SPATA13: variants seen among roughly 807,000 people sequenced by gnomAD.
The protein encoded by SPATA13 is spermatogenesis associated 13.
A neutral mutation model predicts 104.0 loss-of-function variants in SPATA13; 50 were observed. That is an observed-to-expected ratio of 0.48 (90% confidence interval 0.38 to 0.61). SPATA13 has a LOEUF of 0.61. Ranked by LOEUF, SPATA13 falls within the 20% of genes least tolerant of loss-of-function variation. The pLI is 0.00. For synonymous variants in SPATA13, 606 were observed against 667.5 expected (o/e 0.91, Z 1.42); for missense variants, 1,524 against 1,690.6 (o/e 0.90, Z 1.73).
chr13:24,175,744 C>G (rs1212599121), intron 1 of SPATA13, among the ~76,000 whole-genome samples: 1 of 152,204 alleles, frequency 6.6e-6, no homozygotes, highest in Non-Finnish European at 1.5e-5. Flanking sequence ...CTGTTCCAGA[C>G]ATAGTGCTAG....
At chr13:24,168,017 A>ATTT (rs1388933242) in intron 1 of SPATA13, among the ~76,000 whole-genome samples, 1 of 152,118 alleles carries the variant, frequency 6.6e-6, no homozygotes, top group African/African-American at 2.4e-5. Flanking sequence ...AGCCTTCTCT[A>ATTT]TTTCTGCCTC....
intron 2 of SPATA13, among the ~76,000 whole-genome samples, chr13:24,241,055 G>A (rs1158009332): frequency 1.3e-5 from 2 of 152,088 alleles, no homozygotes; most frequent in Admixed American, 6.5e-5. Flanking sequence ...ACCCCATTCC[G>A]TAGTAATTAG....
At chr13:24,283,304 G>T (rs1377534613) in intron 4 of SPATA13, among the ~76,000 whole-genome samples, 1 of 152,196 alleles carries the variant, frequency 6.6e-6, no homozygotes, top group Non-Finnish European at 1.5e-5. Context: ...GTCATCTGTT[G>T]TATAGCTTTC....
At chr13:24,168,689 T>C (rs1486427605) in intron 1 of SPATA13, among the ~76,000 whole-genome samples, 3 of 152,208 alleles carry the variant, frequency 2.0e-5, no homozygotes, top group Admixed American at 6.5e-5. Flanking sequence ...GAATTGCCGT[T>C]GCTTAAATGT....
chr13:24,008,479 A>C (rs1876328573), intron 2 of SPATA13, among the ~76,000 whole-genome samples: 1 of 152,152 alleles, frequency 6.6e-6, no homozygotes, highest in Admixed American at 6.5e-5. Flanking sequence ...CGGTGCCCCC[A>C]GCCCCTCCAC....
Position 24,174,858 on chromosome 13 carries a change from C to T in SPATA13, c.-112+13926C>T, listed in dbSNP as rs149154484. ...CCTCCCAAAGTGCTGGGATTACAGG[C>T]GTGAGCCCCTGCACCCAGCCTAAAA... On this transcript the variant is annotated intron_variant, in intron 1 of 12. Coordinates refer to ENST00000382108, the MANE Select transcript of SPATA13 (RefSeq NM_001166271.3). Among the ~76,000 whole-genome samples, 767 of 152,312 alleles carry T rather than the reference C, an allele frequency of 5.0e-3. 7 individuals are homozygous for T. The highest frequency in any genetic ancestry group is 0.017 in the African/African-American group (694 of 41,570).
At chr13:24,072,079 G>C (rs1490920955) in intron 3 of SPATA13, among the ~76,000 whole-genome samples, 1 of 152,180 alleles carries the variant, frequency 6.6e-6, no homozygotes, top group East Asian at 1.9e-4. Context: ...GAATATTAAG[G>C]AAGAGTGAAT....
chr13:24,262,596 C>G (rs980271296), intron 4 of SPATA13, among the ~76,000 whole-genome samples: 5 of 152,164 alleles, frequency 3.3e-5, no homozygotes, highest in Non-Finnish European at 7.4e-5. Context: ...AATCCCAATC[C>G]TTGGGCAAGT....
At chr13:24,107,237 CAAAAAA>C (rs11421515) in intron 3 of SPATA13, among the ~76,000 whole-genome samples, 10 of 34,280 alleles carry the variant, frequency 2.9e-4, no homozygotes, top group Non-Finnish European at 2.8e-4. Context: ...GAACAAGAGG[CAAAAAA>C]AAAAAAAAAA....
At chr13:24,151,113 A>G (rs1054271823) in intron 3 of SPATA13, among the ~76,000 whole-genome samples, 1 of 152,230 alleles carries the variant, frequency 6.6e-6, no homozygotes, top group Non-Finnish European at 1.5e-5. Context: ...CACACAGATT[A>G]AGAGGCTTGC....
intron 4 of SPATA13, among the ~76,000 whole-genome samples, chr13:24,258,265 T>A (rs1377278444): frequency 6.7e-6 from 1 of 149,210 alleles, no homozygotes; most frequent in African/African-American, 2.5e-5. Flanking sequence ...GAACTCTGGA[T>A]TCTGCCTGTC....
At chr13:24,249,910 C>T in intron 3 of SPATA13, 68 bp downstream of exon 3, 1 of 1,515,198 alleles carries the variant, frequency 6.6e-7, no homozygotes, top group Non-Finnish European at 8.8e-7. Context: ...ATTCTGTCTG[C>T]ACACTAAACT....
At chr13:24,194,067 G>A (rs9511128) in intron 1 of SPATA13, among the ~76,000 whole-genome samples, 65,127 of 152,030 alleles carry the variant, frequency 0.43, 16,113 homozygotes, top group Non-Finnish European at 0.56. Context: ...TGGTTCAGTA[G>A]CCGAGTCTGT....
At chr13:24,010,614 G>T (rs999936163) in intron 2 of SPATA13, among the ~76,000 whole-genome samples, 21 of 151,968 alleles carry the variant, frequency 1.4e-4, no homozygotes, top group African/African-American at 4.8e-4. Flanking sequence ...CTCGTGCCTG[G>T]AAGCTCCTCC....
Position 24,088,342 on chromosome 13 carries a change from TTAGAACA to T in SPATA13, c.-112+70644_-112+70650del, listed in dbSNP as rs1389377214. 1.3e-5 allele frequency among the ~76,000 whole-genome samples: 2 copies of T among 152,168 alleles called. No individual in the cohort carries two copies. Among genetic ancestry groups the T allele is most frequent in the African/African-American group, 2.4e-5 (1 of 41,448 alleles). On this transcript the variant is annotated intron_variant, in intron 3 of 14. Coordinates refer to the SPATA13 transcript ENST00000424834. The surrounding 1 kb of genome is among the most constrained non-coding windows in gnomAD (Gnocchi z 4.3). Reference sequence around the variant, plus strand: ...GACTATTAAAGCATCTGAATTGGGATTAGAACATAAACCCAGCTGACTTCAAGTTCTG... The same window carrying T: ...GACTATTAAAGCATCTGAATTGGGATTAAACCCAGCTGACTTCAAGTTCTG...
chr13:24,165,870 G>C (rs949687320), intron 1 of SPATA13, among the ~76,000 whole-genome samples: 2 of 152,212 alleles, frequency 1.3e-5, no homozygotes, highest in African/African-American at 4.8e-5. Flanking sequence ...CACCATGGGT[G>C]ATGTAGAGAT....
At chr13:24,284,085 A>C (rs1467148524) in intron 4 of SPATA13, 50 bp from the exon 5 acceptor site, 1 of 1,557,246 alleles carries the variant, frequency 6.4e-7, no homozygotes, top group South Asian at 1.2e-5. Flanking sequence ...ATATGAAAAA[A>C]TCTTGTTAGC....
intron 3 of SPATA13, among the ~76,000 whole-genome samples, chr13:24,127,821 C>A (rs1200613894): frequency 6.6e-6 from 1 of 152,148 alleles, no homozygotes; most frequent in African/African-American, 2.4e-5. Context: ...AATTGCACAG[C>A]AAGGAATAAA....
At chr13:24,281,459 G>C (rs1259932907) in intron 4 of SPATA13, among the ~76,000 whole-genome samples, 1 of 152,182 alleles carries the variant, frequency 6.6e-6, no homozygotes, top group Non-Finnish European at 1.5e-5. Context: ...CTGCTCCAAG[G>C]TTCCCTGGCT....
Sources: allele counts gnomAD v4.1 joint callset (sites outside exome capture counted in the v4.1 genomes callset), GRCh38; gene constraint gnomAD v4.1.1; non-coding constraint Gnocchi (gnomAD v3.1); transcripts MANE v1.5; gene names NCBI Gene and HGNC (gene_info 2026-07-23, HGNC 2026-07-21).